Variants in ANKS1B observed in about 807,000 individuals in gnomAD.
ANKS1B encodes the protein ankyrin repeat and sterile alpha motif domain containing 1B, also known as ankyrin repeat and sterile alpha motif domain-containing protein 1B.
A neutral mutation model predicts 148.3 loss-of-function variants in ANKS1B; 36 were observed. The ratio of observed to expected loss-of-function variants is 0.24; its 90% CI spans 0.19 to 0.32. The LOEUF (loss-of-function observed/expected upper bound fraction) is 0.32. Ranked by LOEUF, ANKS1B falls within the 10% of genes least tolerant of loss-of-function variation. ANKS1B has a pLI of 1.00. For missense variants in ANKS1B, 1,157 were observed against 1,542.6 expected, an observed-to-expected ratio of 0.75 and a Z score of 4.19; for synonymous variants, 542 against 560.8, an observed-to-expected ratio of 0.97 and a Z score of 0.47.
At chr12:99,017,427 G>C (rs535280982) in intron 17 of ANKS1B, among the ~76,000 whole-genome samples, 1 of 152,064 alleles carries the variant, frequency 6.6e-6, no homozygotes, top group African/African-American at 2.4e-5. Context: ...GAGGTCACAA[G>C]ATTTGTGACC....
At chr12:99,718,980 G>A (rs922589011) in intron 8 of ANKS1B, among the ~76,000 whole-genome samples, 3 of 152,106 alleles carry the variant, frequency 2.0e-5, no homozygotes, top group Admixed American at 1.3e-4. Context: ...GATTGTGTCC[G>A]ACTAATCTCC....
chr12:99,744,991 C>CA (rs55904412), intron 8 of ANKS1B, among the ~76,000 whole-genome samples: 698 of 52,066 alleles, frequency 0.013, 157 homozygotes, highest in East Asian at 0.037. Flanking sequence ...GACTCTGTCT[C>CA]AAAAAAAAAA....
intron 12 of ANKS1B, among the ~76,000 whole-genome samples, chr12:99,352,582 A>G (rs1318791544): frequency 1.3e-5 from 2 of 152,148 alleles, no homozygotes; most frequent in Non-Finnish European, 2.9e-5. Context: ...CCTTATTTGC[A>G]TATCTCTTGT....
intron 8 of ANKS1B, among the ~76,000 whole-genome samples, chr12:99,694,322 CCAGCTACT>C (rs1415242584): frequency 6.6e-6 from 1 of 151,044 alleles, no homozygotes; most frequent in Non-Finnish European, 1.5e-5. Context: ...ACCTGTAATC[CCAGCTACT>C]CAGGAGTCTG....
intron 17 of ANKS1B, among the ~76,000 whole-genome samples, chr12:98,846,584 T>C (rs367637098): frequency 1.2e-4 from 18 of 152,242 alleles, no homozygotes; most frequent in African/African-American, 4.1e-4. Context: ...AGACAACTGA[T>C]GATTCTGGAG....
chr12:99,686,287 C>G (rs1319965693), intron 8 of ANKS1B, among the ~76,000 whole-genome samples: 2 of 152,118 alleles, frequency 1.3e-5, no homozygotes, highest in African/African-American at 2.4e-5. Context: ...CAGCTAATCA[C>G]AAGCAGCCAG....
chr12:99,612,595 A>G (rs761136093), intron 9 of ANKS1B, among the ~76,000 whole-genome samples: 4 of 152,048 alleles, frequency 2.6e-5, no homozygotes, highest in Non-Finnish European at 4.4e-5. Context: ...GCACCATGAG[A>G]GGTTCTTTCT....
intron 8 of ANKS1B, among the ~76,000 whole-genome samples, chr12:99,745,274 A>T (rs888235164): frequency 2.0e-5 from 3 of 152,218 alleles, no homozygotes; most frequent in African/African-American, 7.2e-5. Context: ...AGTAACAGTG[A>T]TGTTAAGAAA....
intron 9 of ANKS1B, among the ~76,000 whole-genome samples, chr12:99,569,453 T>TA (rs2097429546): frequency 6.6e-6 from 1 of 152,186 alleles, no homozygotes; most frequent in African/African-American, 2.4e-5. Flanking sequence ...ATATAAAAAT[T>TA]AAAGGTACTA....
At chr12:99,228,545 A>G (rs1402136706) in intron 14 of ANKS1B, among the ~76,000 whole-genome samples, 1 of 152,090 alleles carries the variant, frequency 6.6e-6, no homozygotes, top group East Asian at 1.9e-4. Flanking sequence ...AGGAGTAAGA[A>G]AAAAGGAAGC....
intron 11 of ANKS1B, among the ~76,000 whole-genome samples, chr12:99,400,077 T>C (rs1446988972): frequency 2.6e-5 from 4 of 152,136 alleles, no homozygotes; most frequent in Non-Finnish European, 5.9e-5. Context: ...TGTAAAAATA[T>C]AGTGCACAAA....
chr12:99,655,635 A>C (rs1393183645), intron 8 of ANKS1B, among the ~76,000 whole-genome samples: 1 of 152,170 alleles, frequency 6.6e-6, no homozygotes, highest in Non-Finnish European at 1.5e-5. Context: ...AATGCCACTG[A>C]AATAAAACTT....
intron 8 of ANKS1B, among the ~76,000 whole-genome samples, chr12:99,712,405 A>G (rs1411086351): frequency 6.6e-6 from 1 of 152,162 alleles, no homozygotes; most frequent in African/African-American, 2.4e-5. Flanking sequence ...TGAGAGTGAG[A>G]GATTATTATG....
chr12:99,789,055 T>G (rs2065319696), intron 4 of ANKS1B, among the ~76,000 whole-genome samples: 1 of 152,086 alleles, frequency 6.6e-6, no homozygotes, highest in Non-Finnish European at 1.5e-5. Flanking sequence ...CCCTGAAGAT[T>G]AGGATACAGT....
At chr12:99,398,376 C>T (rs939408914) in intron 12 of ANKS1B, among the ~76,000 whole-genome samples, 1 of 152,118 alleles carries the variant, frequency 6.6e-6, no homozygotes, top group South Asian at 2.1e-4. Flanking sequence ...TATACACATA[C>T]ACTCACTGTG....
At chr12:99,321,807 G>A (rs2085330805) in intron 12 of ANKS1B, among the ~76,000 whole-genome samples, 1 of 152,094 alleles carries the variant, frequency 6.6e-6, no homozygotes, top group South Asian at 2.1e-4. Flanking sequence ...CTTCCTATTC[G>A]GCCATCTTGG....
At chr12:99,364,513 T>C (rs1302182439) in intron 12 of ANKS1B, among the ~76,000 whole-genome samples, 2 of 152,226 alleles carry the variant, frequency 1.3e-5, no homozygotes, top group Admixed American at 6.5e-5. Flanking sequence ...CAGACCATTT[T>C]GTACCTGTAG....
In ANKS1B at chr12:99,195,672, A is replaced by G. The variant is rs144766555; in HGVS notation, c.2420-41277T>C. 9.9e-5 allele frequency among the ~76,000 whole-genome samples: 15 copies of G among 152,250 alleles called. No homozygotes were observed. In the East Asian group the frequency reaches 2.7e-3, roughly 27 times the overall value. On this transcript the variant is annotated intron_variant, in intron 14 of 26. Coordinates refer to ENST00000683438, the MANE Select transcript of ANKS1B (RefSeq NM_001352186.2). ...AAACAGGATGCCACATCTAAGAAAC[A>G]TGAAAGGAAACAGAAAAAAGAATTC...
intron 10 of ANKS1B, among the ~76,000 whole-genome samples, chr12:99,473,976 T>C (rs994371857): frequency 6.6e-6 from 1 of 152,118 alleles, no homozygotes; most frequent in Admixed American, 6.5e-5. Context: ...AAGATGTCCA[T>C]GTGGATTACT....
Sources: allele counts gnomAD v4.1 joint callset (sites outside exome capture counted in the v4.1 genomes callset), GRCh38; gene constraint gnomAD v4.1.1; transcripts MANE v1.5; gene names NCBI Gene and HGNC (gene_info 2026-07-23, HGNC 2026-07-21).